Variants in CEP128 observed in about 807,000 individuals in gnomAD.
The protein encoded by CEP128 is centrosomal protein 128kDa.
Under a neutral mutation model 156.7 loss-of-function variants are expected in CEP128, and 132 were observed. The observed-to-expected ratio is 0.84, with a 90% CI of 0.73 to 0.97. The LOEUF (loss-of-function observed/expected upper bound fraction) is 0.97, where lower values mean the gene tolerates loss of function less well. CEP128 is among the 50% of genes least tolerant of loss of function. The pLI is 0.00. For synonymous variants in CEP128, 469 were observed against 448.9 expected (o/e 1.04, Z -0.57); for missense variants, 1,252 against 1,281.9 (o/e 0.98, Z 0.36).
chr14:80,801,100 T>A (rs1883817836), intron 13 of CEP128, among the ~76,000 whole-genome samples: 2 of 152,190 alleles, frequency 1.3e-5, no homozygotes, highest in Admixed American at 6.5e-5. Context: ...GATTAAAAAA[T>A]AAGGTCAGCT....
chr14:80,652,394 G>A (rs1461862175), intron 19 of CEP128, among the ~76,000 whole-genome samples: 3 of 152,090 alleles, frequency 2.0e-5, no homozygotes, highest in Admixed American at 6.6e-5. Flanking sequence ...ACTATCATCA[G>A]AGTGAACAGG....
At chr14:80,520,205 G>T (rs1171204605) in intron 23 of CEP128, among the ~76,000 whole-genome samples, 2 of 152,172 alleles carry the variant, frequency 1.3e-5, no homozygotes, top group East Asian at 1.9e-4. Context: ...GATCGCCTGA[G>T]GTCAGGGGTT....
chr14:80,824,094 C>T (rs372152503), intron 13 of CEP128, among the ~76,000 whole-genome samples: 27 of 152,360 alleles, frequency 1.8e-4, no homozygotes, highest in Middle Eastern at 3.4e-3. Flanking sequence ...AGGCCTGGGG[C>T]TTGCACCCTC....
intron 2 of CEP128, among the ~76,000 whole-genome samples, chr14:80,928,460 AC>A (rs1372034896): frequency 2.6e-5 from 4 of 152,190 alleles, no homozygotes; most frequent in Admixed American, 1.3e-4. Flanking sequence ...ACAAACCAGA[AC>A]TTTTGGAAGT....
intron 2 of CEP128, chr14:80,955,850 TG>T (rs1566735530): frequency 6.2e-7 from 1 of 1,614,150 alleles, no homozygotes; most frequent in Non-Finnish European, 8.5e-7. Context: ...ACGCAGACTC[TG>T]TGAGTACCCG....
At chr14:80,606,884 C>G (rs1020764420) in intron 19 of CEP128, among the ~76,000 whole-genome samples, 1 of 151,800 alleles carries the variant, frequency 6.6e-6, no homozygotes, top group East Asian at 1.9e-4. Flanking sequence ...AAAGGACTTC[C>G]CTGATCTAAA....
At chr14:80,594,116 A>G (rs1892210647) in intron 19 of CEP128, among the ~76,000 whole-genome samples, 1 of 152,196 alleles carries the variant, frequency 6.6e-6, no homozygotes, top group Non-Finnish European at 1.5e-5. Flanking sequence ...ACTGGTACCA[A>G]CACAGATATA....
At position 80,848,675 on chromosome 14, in the gene CEP128, A is replaced by AG. The variant is rs753161924; in HGVS notation, c.763-7908dup. On this transcript the variant is annotated intron_variant, in intron 9 of 24. Transcript: ENST00000555265. ...ACTACATTTCAAAACAAAAAAAAAAAGAAAAAGAGAAGAAAGGAAAGAAAG... is the reference window on the plus strand; with the variant it reads ...ACTACATTTCAAAACAAAAAAAAAAAGGAAAAAGAGAAGAAAGGAAAGAAAG... Among the ~76,000 whole-genome samples the AG allele has an allele frequency of 2.8e-4, 42 of 151,928 alleles. No individual in the cohort carries two copies. The South Asian group carries it at 4.6e-3, about 17-fold the overall frequency.
intron 19 of CEP128, among the ~76,000 whole-genome samples, chr14:80,705,398 C>T (rs900489464): frequency 6.6e-6 from 1 of 151,968 alleles, no homozygotes; most frequent in African/African-American, 2.4e-5. Context: ...TCATGAAACC[C>T]AGAGCTTTGG....
intron 19 of CEP128, among the ~76,000 whole-genome samples, chr14:80,735,069 CA>C (rs369113279): frequency 0.011 from 1,711 of 152,118 alleles, 16 homozygotes; most frequent in Non-Finnish European, 0.015. Context: ...TAAACCAAAA[CA>C]ACTTCTTCTT....
chr14:80,785,555 T>G lies in CEP128; in HGVS notation c.1561-10A>C, dbSNP rs765760710. On this transcript the variant is annotated splice_polypyrimidine_tract_variant and intron_variant, in intron 14 of 24. Transcript: ENST00000555265. ...CCTTTTCTTTTAAAATCTATCAGGT[T>G]AAGAACATGAAGCAAAAGAAAAAAA... 6.4e-7 allele frequency: 1 copy of G among 1,570,920 alleles called. No individual in the cohort carries two copies. Among genetic ancestry groups the G allele is most frequent in the South Asian group, 1.2e-5 (1 of 84,468 alleles).
intron 19 of CEP128, among the ~76,000 whole-genome samples, chr14:80,699,101 G>A (rs1289715015): frequency 1.3e-5 from 2 of 152,130 alleles, no homozygotes; most frequent in African/African-American, 2.4e-5. Context: ...ATACTCAAAC[G>A]GAAATTACTT....
intron 19 of CEP128, among the ~76,000 whole-genome samples, chr14:80,587,965 G>C (rs1398174269): frequency 6.6e-6 from 1 of 152,030 alleles, no homozygotes; most frequent in African/African-American, 2.4e-5. Flanking sequence ...GACTCATAAG[G>C]TCAACTGGGT....
intron 9 of CEP128, among the ~76,000 whole-genome samples, chr14:80,857,244 T>G (rs1887231315): frequency 6.6e-6 from 1 of 151,022 alleles, no homozygotes; most frequent in African/African-American, 2.4e-5. Flanking sequence ...GTTTTTTTTT[T>G]GTTGTGTGTT....
At chr14:80,502,562 C>T (rs1887787397) in intron 24 of CEP128, among the ~76,000 whole-genome samples, 1 of 151,734 alleles carries the variant, frequency 6.6e-6, no homozygotes, top group Non-Finnish European at 1.5e-5. Context: ...CATTGTTTTC[C>T]ACCTTTCTGG....
intron 8 of CEP128, among the ~76,000 whole-genome samples, chr14:80,893,890 G>A (rs1889224294): frequency 6.6e-6 from 1 of 151,960 alleles, no homozygotes; most frequent in Non-Finnish European, 1.5e-5. Flanking sequence ...TTTGATTTAT[G>A]ACAAAGATAC....
intron 2 of CEP128, among the ~76,000 whole-genome samples, 158 bp from the exon 3 acceptor site, chr14:80,916,720 T>A (rs1339984603): frequency 6.6e-6 from 1 of 152,170 alleles, no homozygotes; most frequent in African/African-American, 2.4e-5. Context: ...ACACAAGAAG[T>A]CACTTCCCCA....
chr14:80,807,835 C>G (rs1884269098), intron 13 of CEP128, among the ~76,000 whole-genome samples: 1 of 150,870 alleles, frequency 6.6e-6, no homozygotes, highest in African/African-American at 2.4e-5. Flanking sequence ...GAACGACAGT[C>G]CCAACATCTA....
chr14:80,535,391 A>G (rs1159474349), intron 21 of CEP128, among the ~76,000 whole-genome samples: 1 of 152,220 alleles, frequency 6.6e-6, no homozygotes, highest in African/African-American at 2.4e-5. Flanking sequence ...TGCAACTAGA[A>G]GCTAAATAGT....
Sources: gnomAD v4.1 joint callset for allele counts (sites outside exome capture counted in the v4.1 genomes callset) on GRCh38, gnomAD v4.1.1 for gene constraint, MANE v1.5 for transcripts, NCBI Gene and HGNC (gene_info 2026-07-23, HGNC 2026-07-21) for gene names.